The following DSCAML1 variants were observed in gnomAD, a reference collection of about 807,000 sequenced individuals.
The protein encoded by DSCAML1 is DS cell adhesion molecule like 1.
Under a neutral mutation model 200.5 loss-of-function variants are expected in DSCAML1, and 38 were observed. That is an observed-to-expected ratio of 0.19 (90% CI 0.15 to 0.25). The LOEUF is 0.25. Ranked by LOEUF, DSCAML1 falls within the 10% of genes least tolerant of loss-of-function variation. The probability of loss-of-function intolerance (pLI) is 1.00; values close to 1 mark genes in which losing one functional copy is unlikely to be tolerated. For synonymous variants in DSCAML1, 1,215 were observed against 1,165.0 expected, an observed-to-expected ratio of 1.04 and a Z score of -0.87; for missense variants, 2,223 against 2,858.8, an observed-to-expected ratio of 0.78 and a Z score of 5.07.
intron 3 of DSCAML1, among the ~76,000 whole-genome samples, chr11:117,596,179 A>T (rs955241378): frequency 3.3e-5 from 5 of 152,194 alleles, no homozygotes; most frequent in Non-Finnish European, 5.9e-5. Context: ...ATGTAATAAA[A>T]GCAAGACCAT....
intron 4 of DSCAML1, among the ~76,000 whole-genome samples, chr11:117,531,915 AAAGGG>A (rs1184705912): frequency 1.9e-5 from 2 of 108,068 alleles, no homozygotes; most frequent in Non-Finnish European, 3.6e-5. Context: ...GAAGGGAAGG[AAAGGG>A]AAGGGAAGGG....
At chr11:117,811,137 G>A (rs976542125) in intron 1 of DSCAML1, among the ~76,000 whole-genome samples, 4 of 152,128 alleles carry the variant, frequency 2.6e-5, no homozygotes, top group East Asian at 1.9e-4. Context: ...GGAGCTAAAG[G>A]CATAGTCAAG....
upstream of DSCAML1, among the ~76,000 whole-genome samples, chr11:117,799,210 A>T (rs1230022514): frequency 6.6e-6 from 1 of 152,178 alleles, no homozygotes; most frequent in Non-Finnish European, 1.5e-5. Flanking sequence ...GGGAACGGTC[A>T]TTGAGAGGAA....
chr11:117,728,464 G>A (rs2054168943), intron 3 of DSCAML1, among the ~76,000 whole-genome samples: 1 of 152,038 alleles, frequency 6.6e-6, no homozygotes, highest in African/African-American at 2.4e-5. Flanking sequence ...AGAAATAAAA[G>A]GTATCCAGAT....
intron 3 of DSCAML1, among the ~76,000 whole-genome samples, chr11:117,645,941 C>T (rs1201082078): frequency 6.6e-6 from 1 of 152,044 alleles, no homozygotes; most frequent in Non-Finnish European, 1.5e-5. Flanking sequence ...ATTATATACC[C>T]AACATCTGTG....
chr11:117,467,037 T>G (rs1430001018), intron 16 of DSCAML1, among the ~76,000 whole-genome samples: 2 of 151,694 alleles, frequency 1.3e-5, no homozygotes, highest in East Asian at 3.9e-4. Flanking sequence ...GACTTGGAGG[T>G]TAGAAGGGGG....
chr11:117,576,814 C>T (rs1271132863), intron 3 of DSCAML1, among the ~76,000 whole-genome samples: 1 of 152,210 alleles, frequency 6.6e-6, no homozygotes, highest in Non-Finnish European at 1.5e-5. Flanking sequence ...AGAGAGTCAA[C>T]ATTTTCATCA....
At chr11:117,806,263 T>G (rs1007293623) in intron 1 of DSCAML1, among the ~76,000 whole-genome samples, 1 of 152,072 alleles carries the variant, frequency 6.6e-6, no homozygotes, top group African/African-American at 2.4e-5. Flanking sequence ...AGGATGTGAG[T>G]TGGGCTTGAG....
At chr11:117,513,100 ATG>A (rs1727703315) in intron 8 of DSCAML1, among the ~76,000 whole-genome samples, 2 of 152,080 alleles carry the variant, frequency 1.3e-5, no homozygotes, top group Admixed American at 6.6e-5. Flanking sequence ...ATGTTTTAAT[ATG>A]TGATGTTTAC....
In DSCAML1 at chr11:117,489,214, G is replaced by C. The variant is rs2049140168; in HGVS notation, c.2360-7052C>G. 6.6e-6 allele frequency among the ~76,000 whole-genome samples: 1 copy of C among 152,168 alleles called. No individual in the cohort carries two copies. The highest frequency in any genetic ancestry group is 2.4e-5 in the African/African-American group (1 of 41,428). ...CAAAAAGCTGTGGCCTCTGCGGCGG[G>C]GCAGCTGCAGCAGGTACTCCTGGGG... On this transcript the variant is annotated intron_variant, in intron 11 of 32. Coordinates refer to ENST00000651296, the MANE Select transcript of DSCAML1 (RefSeq NM_020693.4). This position sits in a 1 kb window ranked among gnomAD's most constrained non-coding sequence, Gnocchi z 4.8.
At chr11:117,682,612 G>A (rs2053330497) in intron 3 of DSCAML1, among the ~76,000 whole-genome samples, 1 of 152,152 alleles carries the variant, frequency 6.6e-6, no homozygotes, top group Non-Finnish European at 1.5e-5. Flanking sequence ...TGGACATCCT[G>A]CACCCTGACT....
chr11:117,663,149 T>C (rs1773923808), intron 3 of DSCAML1, among the ~76,000 whole-genome samples: 1 of 152,184 alleles, frequency 6.6e-6, no homozygotes, highest in Non-Finnish European at 1.5e-5. Flanking sequence ...CTCAGACCCA[T>C]GGCATTGCAC....
intron 3 of DSCAML1, among the ~76,000 whole-genome samples, chr11:117,541,621 T>G (rs1815873824): frequency 6.6e-6 from 1 of 152,202 alleles, no homozygotes; most frequent in South Asian, 2.1e-4. Flanking sequence ...TTTCCCCAGC[T>G]TGGGACATAA....
At position 117,780,139 on chromosome 11, in the gene DSCAML1, GAA is replaced by G. The variant is rs1414654324; in HGVS notation, c.364+352_364+353del. On this transcript the variant is annotated intron_variant, in intron 2 of 32. Coordinates refer to ENST00000651296, the MANE Select transcript of DSCAML1 (RefSeq NM_020693.4). The surrounding 1 kb of genome is among the most constrained non-coding windows in gnomAD (Gnocchi z 4.8). ...GAGGCTCTGTCTCAAAAAGCAAAAAGAAAGAGAGAGAGAGAGAGAGAAAGAAA... is the reference window on the plus strand; with the variant it reads ...GAGGCTCTGTCTCAAAAAGCAAAAAGAGAGAGAGAGAGAGAGAGAAAGAAA... Among the ~76,000 whole-genome samples the G allele has an allele frequency of 1.6e-3, 177 of 112,976 alleles. No individual in the cohort carries two copies. The highest frequency in any genetic ancestry group is 5.7e-3 in the African/African-American group (169 of 29,444). 74.1% of individuals were successfully genotyped at this position (112,976 alleles called of 152,430 possible).
intron 3 of DSCAML1, among the ~76,000 whole-genome samples, chr11:117,704,888 T>C (rs2053731832): frequency 6.6e-6 from 1 of 152,156 alleles, no homozygotes; most frequent in South Asian, 2.1e-4. Context: ...TAGAGAACTC[T>C]TCATTCAGAG....
intron 3 of DSCAML1, among the ~76,000 whole-genome samples, chr11:117,541,691 AGGTTGTCTGGACTGTAAGCCAT>A (rs962708272): frequency 6.6e-5 from 10 of 152,224 alleles, no homozygotes; most frequent in African/African-American, 2.4e-4. Flanking sequence ...AACACAGCCC[AGGTTGTCTGGACTGTAAGCCAT>A]GGTGGTCTTA....
At chr11:117,728,519 T>C (rs1014846478) in intron 3 of DSCAML1, among the ~76,000 whole-genome samples, 2 of 97,294 alleles carry the variant, frequency 2.1e-5, no homozygotes, top group Admixed American at 1.3e-4. Context: ...TTGTAGATGA[T>C]GTAATCCTGT....
At chr11:117,749,965 G>A (rs1204766663) in intron 3 of DSCAML1, among the ~76,000 whole-genome samples, 2 of 152,276 alleles carry the variant, frequency 1.3e-5, no homozygotes, top group Non-Finnish European at 2.9e-5. Flanking sequence ...AGGGTGACAA[G>A]CCTTGGTTCG....
chr11:117,461,518 G>T lies in DSCAML1; in HGVS notation c.3344C>A (p.Pro1115Gln). Residue 1115 changes from proline to glutamine, a missense_variant, in exon 18 of 33, where the codon CCG becomes CAG. Coordinates refer to ENST00000651296, the MANE Select transcript of DSCAML1 (RefSeq NM_020693.4). ...DVAVISWSEP[P>Q]RSTLNGVLKG... ...GAGGACGCCATTGAGGGTGCTGCGC[G>T]GGGGCTCTGACCAGGAGATGACGGC... is the stretch of plus-strand genomic sequence containing the variant. 6.2e-7 allele frequency: 1 copy of T among 1,614,176 alleles called. No homozygotes were observed.
Sources: gnomAD v4.1 joint callset for allele counts (sites outside exome capture counted in the v4.1 genomes callset) on GRCh38, gnomAD v4.1.1 for gene constraint, Gnocchi (gnomAD v3.1) non-coding constraint, MANE v1.5 for transcripts, NCBI Gene and HGNC (gene_info 2026-07-23, HGNC 2026-07-21) for gene names.